DDC: variants seen among roughly 807,000 people sequenced by gnomAD.
The protein encoded by DDC is dopa decarboxylase.
In DDC, 43 loss-of-function variants were observed where a neutral mutation model predicts 60.0. The ratio of observed to expected loss-of-function variants is 0.72; its 90% CI spans 0.56 to 0.92. The LOEUF is 0.92. DDC is among the 40% of genes least tolerant of loss of function. The pLI, the probability that DDC is intolerant of heterozygous loss-of-function variation, is 0.00. For missense variants in DDC, 573 were observed against 620.2 expected (o/e 0.92, Z 0.81); for synonymous variants, 232 against 234.6 (o/e 0.99, Z 0.10).
intron 12 of DDC, among the ~76,000 whole-genome samples, chr7:50,468,224 G>A (rs11575515): frequency 0.016 from 2,375 of 152,332 alleles, 68 homozygotes; most frequent in African/African-American, 0.054. Context: ...AAAGACCTCG[G>A]CCTCATGGGC....
chr7:50,469,626 TA>T (rs796431293), intron 12 of DDC, among the ~76,000 whole-genome samples: 86 of 152,320 alleles, frequency 5.6e-4, no homozygotes, highest in African/African-American at 2.0e-3. Flanking sequence ...ATCTTATAAA[TA>T]ACCTCATCTC....
Position 50,470,065 on chromosome 7 carries a change from A to G in DDC, c.1140+8T>C. 2.5e-6 allele frequency: 4 copies of G among 1,570,904 alleles called. No individual in the cohort carries two copies. Among genetic ancestry groups the G allele is most frequent in the Non-Finnish European group, 3.5e-6 (4 of 1,140,672 alleles). On this transcript the variant is annotated splice_region_variant and intron_variant, in intron 12 of 14. Transcript: ENST00000444124. ...TTTTACCGTGATAAATAATAAAAAC[A>G]AAGTCACCTTGCGGATATAAGCCTG...
chr7:50,536,447 C>T (rs1004994947), intron 4 of DDC, among the ~76,000 whole-genome samples: 1 of 152,150 alleles, frequency 6.6e-6, no homozygotes, highest in African/African-American at 2.4e-5. Context: ...TTGACTGAGA[C>T]CCATCTCAGA....
intron 1 of DDC, among the ~76,000 whole-genome samples, chr7:50,560,322 T>C (rs1296219608): frequency 6.6e-6 from 1 of 152,184 alleles, no homozygotes; most frequent in East Asian, 1.9e-4. Context: ...GTCACCTGCC[T>C]GAATTTCGCT....
chr7:50,475,539 T>C (rs1302197499), intron 11 of DDC, among the ~76,000 whole-genome samples: 1 of 152,164 alleles, frequency 6.6e-6, no homozygotes, highest in Non-Finnish European at 1.5e-5. Context: ...GAAGGCAAGC[T>C]ACCCATGCCT....
At chr7:50,524,332 T>A (rs557481876) in intron 6 of DDC, among the ~76,000 whole-genome samples, 9 of 152,336 alleles carry the variant, frequency 5.9e-5, no homozygotes, top group African/African-American at 2.2e-4. Context: ...TATTGGTGAA[T>A]CAATTTTAAT....
chr7:50,521,656 G>A (rs1407440797), intron 6 of DDC, among the ~76,000 whole-genome samples: 1 of 152,128 alleles, frequency 6.6e-6, no homozygotes, highest in African/African-American at 2.4e-5. Context: ...TGAAGGACAA[G>A]AATCTCATGA....
intron 6 of DDC, 83 bp downstream of exon 6, chr7:50,528,054 G>A (rs1379960257): frequency 1.6e-5 from 24 of 1,507,544 alleles, no homozygotes; most frequent in Non-Finnish European, 1.9e-5. Flanking sequence ...GCGCCACCAT[G>A]CCCGGCTAAT....
chr7:50,556,056 G>A (rs115501239), intron 1 of DDC, among the ~76,000 whole-genome samples: 3,547 of 152,278 alleles, frequency 0.023, 158 homozygotes, highest in African/African-American at 0.08. Flanking sequence ...CAGGGGCACC[G>A]CAGCTTCCAC....
At chr7:50,480,113 AG>A (rs748802616) in intron 9 of DDC, 2 of 539,674 alleles carry the variant, frequency 3.7e-6, no homozygotes, top group Non-Finnish European at 6.6e-6. Context: ...CCTAGTGATA[AG>A]GGTTCATTTT....
At position 50,463,216 on chromosome 7, in the gene DDC, C is replaced by T. The variant is rs779114931; in HGVS notation, c.*15G>A. The T allele has an allele frequency of 1.2e-5, 19 of 1,599,540 alleles. No homozygotes were observed. In the Admixed American group the frequency reaches 3.3e-4, roughly 28 times the overall value. On this transcript the variant is annotated 3_prime_UTR_variant, in exon 14 of 15. Coordinates refer to ENST00000444124, the MANE Select transcript of DDC (RefSeq NM_001082971.2). ...AAATGAGCCCAGGGCAGCCTACCTG[C>T]AGCTGGCTTCACTCCTACTCCCTCT...
chr7:50,470,627 A>C (rs879927301), intron 11 of DDC, among the ~76,000 whole-genome samples: 1 of 152,174 alleles, frequency 6.6e-6, no homozygotes, highest in Non-Finnish European at 1.5e-5. Flanking sequence ...CTTCTGCCCC[A>C]GATGTTCTGG....
At position 50,502,394 on chromosome 7, in the gene DDC, C is replaced by T. The variant is rs1229731032; in HGVS notation, c.781+1599G>A. On this transcript the variant is annotated intron_variant, in intron 7 of 14. Transcript: ENST00000444124. The stretch of plus-strand genomic sequence containing the variant: ...CCCAGGGGACAGCAGGCCATGTGGG[C>T]TCTATCCAGCAGAAGACCTCGGCCC... Among the ~76,000 whole-genome samples, 6 of 152,274 alleles carry T rather than the reference C, an allele frequency of 3.9e-5. No individual in the cohort carries two copies. In the East Asian group the frequency reaches 1.2e-3, roughly 30 times the overall value.
At chr7:50,458,953 C>T (rs993981244) in intron 14 of DDC, 110 bp from the exon 15 acceptor site, 4 of 151,326 alleles carry the variant, frequency 2.6e-5, no homozygotes, top group Non-Finnish European at 5.9e-5. Context: ...CCCCCTCTCC[C>T]TCTCCCCACG....
At chr7:50,512,720 C>A (rs138977670) in intron 6 of DDC, among the ~76,000 whole-genome samples, 1 of 152,194 alleles carries the variant, frequency 6.6e-6, no homozygotes, top group Non-Finnish European at 1.5e-5. Context: ...GTACACCCTG[C>A]CCATTGCTGC....
At chr7:50,462,731 T>C (rs958250631) in intron 14 of DDC, among the ~76,000 whole-genome samples, 1 of 151,594 alleles carries the variant, frequency 6.6e-6, no homozygotes, top group African/African-American at 2.4e-5. Context: ...TCATTCCTTC[T>C]ACTTCTCCAG....
chr7:50,549,297 T>A (rs999192703), intron 1 of DDC, among the ~76,000 whole-genome samples: 2 of 152,188 alleles, frequency 1.3e-5, no homozygotes, highest in Non-Finnish European at 2.9e-5. Context: ...ATTCCTCTGA[T>A]GAACTTCAGC....
chr7:50,475,693 A>AT lies in DDC; in HGVS notation c.1041+930dup, dbSNP rs5884154. Among the ~76,000 whole-genome samples, 959 of 144,208 alleles carry AT rather than the reference A, an allele frequency of 6.7e-3. 11 individuals carry two copies. Among genetic ancestry groups the AT allele is most frequent in the Non-Finnish European group, 7.6e-3 (495 of 65,436 alleles). The allele number at this position is 144,208 out of a possible 152,430, so 94.6% of individuals were successfully genotyped here. On this transcript the variant is annotated intron_variant, in intron 11 of 14. Coordinates refer to ENST00000444124, the MANE Select transcript of DDC (RefSeq NM_001082971.2). ...TGCCCACCACACGTGGACACAGGTCATTTTTTTTTTTTTTGAGACAGAGTT... is the reference window on the plus strand; with the variant it reads ...TGCCCACCACACGTGGACACAGGTCATTTTTTTTTTTTTTTGAGACAGAGTT...
At chr7:50,544,923 A>G (rs1316947422) in intron 1 of DDC, among the ~76,000 whole-genome samples, 3 of 152,224 alleles carry the variant, frequency 2.0e-5, no homozygotes, top group Non-Finnish European at 4.4e-5. Flanking sequence ...TTGATTCATT[A>G]ACATTGGACT....
Sources: gnomAD v4.1 joint callset for allele counts (sites outside exome capture counted in the v4.1 genomes callset) on GRCh38, gnomAD v4.1.1 for gene constraint, MANE v1.5 for transcripts, NCBI Gene and HGNC (gene_info 2026-07-23, HGNC 2026-07-21) for gene names.